Variants in VIT observed in about 807,000 individuals in gnomAD.
VIT encodes the protein vitrin.
Under a neutral mutation model 78.0 loss-of-function variants are expected in VIT, and 99 were observed. The observed-to-expected ratio is 1.27, with a 90% CI of 1.08 to 1.50. VIT has a LOEUF of 1.50. Ranked by LOEUF, VIT falls within the 40% of genes most tolerant of loss-of-function variation. The pLI is 0.00. For synonymous variants in VIT, 374 were observed against 334.3 expected, an observed-to-expected ratio of 1.12 and a Z score of -1.29; for missense variants, 1,126 against 875.3, an observed-to-expected ratio of 1.29 and a Z score of -3.61.
intron 1 of VIT, among the ~76,000 whole-genome samples, chr2:36,703,921 TTGTTTTTTGTTTTTG>T (rs1296497294): frequency 0.029 from 247 of 8,440 alleles, 21 homozygotes; most frequent in Non-Finnish European, 0.04. Context: ...TTTTTTTTGT[TTGTTTTTTGTTTTTG>T]TTTTTTTTTT....
At chr2:36,809,565 G>C (rs1666998552) in intron 15 of VIT, among the ~76,000 whole-genome samples, 1 of 152,046 alleles carries the variant, frequency 6.6e-6, no homozygotes, top group African/African-American at 2.4e-5. Flanking sequence ...TTACAGGCAT[G>C]TGCCACCACA....
intron 5 of VIT, among the ~76,000 whole-genome samples, chr2:36,758,638 A>C (rs901498277): frequency 6.6e-6 from 1 of 152,236 alleles, no homozygotes; most frequent in African/African-American, 2.4e-5. Flanking sequence ...CCGTTCACCT[A>C]CTGATACAAT....
intron 12 of VIT, among the ~76,000 whole-genome samples, chr2:36,798,758 C>T (rs916203172): frequency 7.3e-5 from 11 of 151,700 alleles, no homozygotes; most frequent in African/African-American, 1.5e-4. Flanking sequence ...GACTCCATCT[C>T]GAAAAAAATA....
intron 14 of VIT, among the ~76,000 whole-genome samples, chr2:36,806,884 T>A (rs1185814606): frequency 1.3e-5 from 2 of 152,154 alleles, no homozygotes; most frequent in Non-Finnish European, 2.9e-5. Context: ...TCTTGAGCTC[T>A]GTAGCCATCC....
At chr2:36,701,791 G>A (rs115167476) in intron 1 of VIT, among the ~76,000 whole-genome samples, 5,771 of 152,242 alleles carry the variant, frequency 0.038, 157 homozygotes, top group Non-Finnish European at 0.055. Flanking sequence ...CAGACTGGCC[G>A]TGTTTATACA....
rs753119533 is a variant in VIT, at chr2:36,742,988, G to A, written c.119-112G>A. ...CATTATAGGGAGGGGATGTAGAGTC[G>A]GCCCAGGCTCTGGCTTTTAGAGATT... On this transcript the variant is annotated intron_variant, in intron 3 of 15. Transcript: ENST00000379242. The A allele has an allele frequency of 7.6e-5, 105 of 1,373,786 alleles. No individual in the cohort carries two copies. The East Asian group carries it at 1.4e-3, about 19-fold the overall frequency. The allele number at this position is 1,373,786 out of a possible 1,614,324, so 85.1% of individuals were successfully genotyped here.
intron 4 of VIT, among the ~76,000 whole-genome samples, chr2:36,744,628 A>G (rs572023010): frequency 1.3e-5 from 2 of 152,226 alleles, no homozygotes; most frequent in Non-Finnish European, 1.5e-5. Context: ...TTTTCTTTTG[A>G]GAAATGTCTG....
intron 2 of VIT, among the ~76,000 whole-genome samples, chr2:36,727,790 C>A (rs1003183751): frequency 2.0e-5 from 3 of 152,208 alleles, no homozygotes; most frequent in Non-Finnish European, 4.4e-5. Flanking sequence ...ACATTACTCA[C>A]ATGTGTGTGG....
At chr2:36,737,312 G>C (rs889472544) in intron 3 of VIT, among the ~76,000 whole-genome samples, 2 of 152,148 alleles carry the variant, frequency 1.3e-5, no homozygotes, top group East Asian at 3.9e-4. Context: ...AATGCAGCTG[G>C]AAGGTGGATT....
At chr2:36,778,749 T>G (rs1486708523) in intron 9 of VIT, among the ~76,000 whole-genome samples, 1 of 152,144 alleles carries the variant, frequency 6.6e-6, no homozygotes, top group Non-Finnish European at 1.5e-5. Flanking sequence ...TGCTCCCCAC[T>G]TCGGTACAGC....
chr2:36,784,788 C>G (rs1212432982), intron 11 of VIT, among the ~76,000 whole-genome samples: 1 of 152,232 alleles, frequency 6.6e-6, no homozygotes, highest in African/African-American at 2.4e-5. Flanking sequence ...CCAATTCTAC[C>G]TGTTAGCACT....
At chr2:36,749,433 T>G (rs548018426) in intron 4 of VIT, among the ~76,000 whole-genome samples, 1 of 152,330 alleles carries the variant, frequency 6.6e-6, no homozygotes, top group African/African-American at 2.4e-5. Flanking sequence ...CACTCTTGCT[T>G]AAGTTTATGG....
At chr2:36,802,296 G>C (rs1464525831) in intron 13 of VIT, among the ~76,000 whole-genome samples, 2 of 152,104 alleles carry the variant, frequency 1.3e-5, no homozygotes, top group Non-Finnish European at 2.9e-5. Flanking sequence ...ATGAAAGATT[G>C]GCTTTTTGGG....
chr2:36,712,219 G>A (rs1023882675), intron 1 of VIT, among the ~76,000 whole-genome samples: 3 of 152,154 alleles, frequency 2.0e-5, no homozygotes, highest in Admixed American at 6.5e-5. Flanking sequence ...CCAAGCAAGC[G>A]TAGAAATTGC....
chr2:36,753,411 C>T (rs1035478369), intron 4 of VIT, among the ~76,000 whole-genome samples: 1 of 152,094 alleles, frequency 6.6e-6, no homozygotes, highest in South Asian at 2.1e-4. Flanking sequence ...AGCAGGTGTC[C>T]GCGGCACCTT....
At chr2:36,751,119 G>C (rs1207016060) in intron 4 of VIT, among the ~76,000 whole-genome samples, 1 of 151,976 alleles carries the variant, frequency 6.6e-6, no homozygotes, top group African/African-American at 2.4e-5. Flanking sequence ...AATTTAGCTG[G>C]GTGTGGTGGC....
At chr2:36,798,251 G>T (rs932098450) in intron 12 of VIT, among the ~76,000 whole-genome samples, 16 of 152,080 alleles carry the variant, frequency 1.1e-4, no homozygotes, top group African/African-American at 3.6e-4. Context: ...CTAGCAGATG[G>T]CCACACAACT....
At chr2:36,740,647 C>T (rs1374905212) in intron 3 of VIT, among the ~76,000 whole-genome samples, 1 of 151,976 alleles carries the variant, frequency 6.6e-6, no homozygotes, top group Non-Finnish European at 1.5e-5. Context: ...ACCAATTTTG[C>T]TAATCTGGTT....
At chr2:36,726,077 A>AG (rs1666827320) in intron 2 of VIT, among the ~76,000 whole-genome samples, 1 of 152,204 alleles carries the variant, frequency 6.6e-6, no homozygotes, top group Admixed American at 6.5e-5. Flanking sequence ...TCAAAAAAAA[A>AG]AAAAAAATGC....
Sources: allele counts gnomAD v4.1 joint callset (sites outside exome capture counted in the v4.1 genomes callset), GRCh38; gene constraint gnomAD v4.1.1; transcripts MANE v1.5; gene names NCBI Gene and HGNC (gene_info 2026-07-23, HGNC 2026-07-21).